The following NCOA3 variants were observed in gnomAD, a reference collection of about 807,000 sequenced individuals.
The protein encoded by NCOA3 is nuclear receptor coactivator 3.
In NCOA3, 51 loss-of-function variants were observed where a neutral mutation model predicts 158.8. That is an observed-to-expected ratio of 0.32 (90% confidence interval 0.26 to 0.41). The LOEUF is 0.41. Ranked by LOEUF, NCOA3 falls within the 10% of genes least tolerant of loss-of-function variation. The pLI, the probability that NCOA3 is intolerant of heterozygous loss-of-function variation, is 1.00. For missense variants in NCOA3, 1,510 were observed against 1,746.6 expected, an observed-to-expected ratio of 0.86 and a Z score of 2.41; for synonymous variants, 537 against 592.4, an observed-to-expected ratio of 0.91 and a Z score of 1.36.
chr20:47,537,495 A>G (rs929496465), intron 1 of NCOA3, among the ~76,000 whole-genome samples: 3 of 151,760 alleles, frequency 2.0e-5, no homozygotes, highest in African/African-American at 7.3e-5. Context: ...GTTCTATTTT[A>G]TATTCTGCTA....
intron 1 of NCOA3, among the ~76,000 whole-genome samples, chr20:47,560,005 C>T (rs1012690290): frequency 2.0e-5 from 3 of 152,130 alleles, no homozygotes; most frequent in Admixed American, 6.6e-5. Context: ...AAACTGGTCT[C>T]GAACTGCTGG....
At chr20:47,638,061 A>G (rs2078970672) in intron 13 of NCOA3, among the ~76,000 whole-genome samples, 1 of 152,136 alleles carries the variant, frequency 6.6e-6, no homozygotes, top group Non-Finnish European at 1.5e-5. Flanking sequence ...CCAGGTGAGT[A>G]CTGTAGGTAC....
At chr20:47,590,910 G>C (rs1392781415) in intron 2 of NCOA3, among the ~76,000 whole-genome samples, 1 of 152,124 alleles carries the variant, frequency 6.6e-6, no homozygotes, top group African/African-American at 2.4e-5. Flanking sequence ...AGGAGTTCAA[G>C]ACCAGCCTGA....
At chr20:47,567,052 G>GTATA (rs2085208218) in intron 1 of NCOA3, among the ~76,000 whole-genome samples, 1 of 151,060 alleles carries the variant, frequency 6.6e-6, no homozygotes, top group African/African-American at 2.5e-5. Context: ...ATGTATGTAT[G>GTATA]TATGTATGTA....
At chr20:47,567,870 C>T (rs567653254) in intron 1 of NCOA3, among the ~76,000 whole-genome samples, 42 of 152,148 alleles carry the variant, frequency 2.8e-4, no homozygotes, top group African/African-American at 9.9e-4. Context: ...CGTGCCAGGC[C>T]AATTATTTTA....
intron 1 of NCOA3, 109 bp from the exon 2 acceptor site, chr20:47,583,074 G>A (rs891701893): frequency 5.1e-6 from 2 of 394,268 alleles, no homozygotes; most frequent in South Asian, 1.3e-4. Context: ...GATTACAGGC[G>A]TGAGCCACCA....
chr20:47,606,963 A>C (rs761292489), intron 2 of NCOA3, among the ~76,000 whole-genome samples: 1 of 152,208 alleles, frequency 6.6e-6, no homozygotes, highest in Non-Finnish European at 1.5e-5. Context: ...TGGTGACATT[A>C]ATGAATGTGG....
chr20:47,573,079 A>G (rs2085318767), intron 1 of NCOA3, among the ~76,000 whole-genome samples: 1 of 152,168 alleles, frequency 6.6e-6, no homozygotes, highest in South Asian at 2.1e-4. Context: ...GTGCCCCAAA[A>G]CAATTAACAA....
intron 1 of NCOA3, among the ~76,000 whole-genome samples, chr20:47,541,291 C>T (rs1049389743): frequency 6.9e-6 from 1 of 144,594 alleles, no homozygotes; most frequent in African/African-American, 2.6e-5. Flanking sequence ...AGCATTAATC[C>T]CCTTTACATC....
chr20:47,508,607 ATAT>A (rs1483695754), intron 1 of NCOA3, among the ~76,000 whole-genome samples: 1 of 152,210 alleles, frequency 6.6e-6, no homozygotes, highest in Non-Finnish European at 1.5e-5. Context: ...ATCTAAAGCC[ATAT>A]TATTTTACTT....
chr20:47,542,768 C>T (rs982453316), intron 1 of NCOA3, among the ~76,000 whole-genome samples: 6 of 152,156 alleles, frequency 3.9e-5, no homozygotes, highest in African/African-American at 1.2e-4. Context: ...TTGAGACCAG[C>T]CTGGGCAACA....
chr20:47,639,720 A>C lies in NCOA3; in HGVS notation c.2851A>C (p.Arg951=). The change falls in exon 15 of 23, where the codon AGA becomes CGA. Residue 951 remains arginine, a synonymous_variant. Transcript: ENST00000371998. ...AGGAGATTATAATACTTCTTTACCCAGACCTGCACTGGGTGGCTCTATTCC... is the reference window on the plus strand; with the variant it reads ...AGGAGATTATAATACTTCTTTACCCCGACCTGCACTGGGTGGCTCTATTCC... The part of the protein sequence containing the change: ...PGGDYNTSLP[R]PALGGSIPTL... 6.2e-7 allele frequency: 1 copy of C among 1,614,186 alleles called. No homozygotes were observed. Among genetic ancestry groups the C allele is most frequent in the Non-Finnish European group, 8.5e-7 (1 of 1,180,032 alleles).
At chr20:47,528,355 GAATA>G (rs1318313762) in intron 1 of NCOA3, among the ~76,000 whole-genome samples, 2 of 152,066 alleles carry the variant, frequency 1.3e-5, no homozygotes, top group African/African-American at 4.8e-5. Flanking sequence ...TAATAAAAAT[GAATA>G]AATAATTCCT....
chr20:47,635,250 A>G, intron 10 of NCOA3, 72 bp from the exon 11 acceptor site: 2 of 1,434,360 alleles, frequency 1.4e-6, no homozygotes, highest in Admixed American at 2.2e-5. Context: ...ATTTTATTTT[A>G]TTTTAAATCT....
chr20:47,508,827 A>C (rs1381832428), intron 1 of NCOA3, among the ~76,000 whole-genome samples: 1 of 152,200 alleles, frequency 6.6e-6, no homozygotes, highest in African/African-American at 2.4e-5. Context: ...TTTGAAAAGA[A>C]GACTTACCTA....
At chr20:47,540,169 G>A (rs1169326414) in intron 1 of NCOA3, among the ~76,000 whole-genome samples, 1 of 152,090 alleles carries the variant, frequency 6.6e-6, no homozygotes, top group Non-Finnish European at 1.5e-5. Flanking sequence ...TAGTACATTG[G>A]CCTGTATGTC....
At chr20:47,523,906 A>G (rs755132984) in intron 1 of NCOA3, among the ~76,000 whole-genome samples, 2 of 152,252 alleles carry the variant, frequency 1.3e-5, no homozygotes, top group Non-Finnish European at 2.9e-5. Flanking sequence ...GAGGACAGCA[A>G]TTCCCACAAG....
chr20:47,649,158 G>GCCAA, intron 19 of NCOA3, 49 bp downstream of exon 19: 2 of 1,213,650 alleles, frequency 1.6e-6, no homozygotes, highest in Non-Finnish European at 2.3e-6. Flanking sequence ...CTCAGGACAG[G>GCCAA]GCTTGGCCTG....
At chr20:47,535,207 C>A (rs2084612808) in intron 1 of NCOA3, among the ~76,000 whole-genome samples, 1 of 152,032 alleles carries the variant, frequency 6.6e-6, no homozygotes, top group Admixed American at 6.6e-5. Context: ...CTCACTTCTT[C>A]CGTGCCTCGC....
Sources: allele counts gnomAD v4.1 joint callset (sites outside exome capture counted in the v4.1 genomes callset), GRCh38; gene constraint gnomAD v4.1.1; transcripts MANE v1.5; gene names NCBI Gene and HGNC (gene_info 2026-07-23, HGNC 2026-07-21).